PIAS2: variants seen among roughly 807,000 people sequenced by gnomAD.
PIAS2 encodes protein inhibitor of activated STAT 2.
In PIAS2, 19 loss-of-function variants were observed where a neutral mutation model predicts 69.7. The observed-to-expected ratio is 0.27, with a 90% CI of 0.19 to 0.40. PIAS2 has a LOEUF of 0.40. Ranked by LOEUF, PIAS2 falls within the 10% of genes least tolerant of loss-of-function variation. PIAS2 has a pLI of 1.00. For missense variants in PIAS2, 624 were observed against 757.0 expected (o/e 0.82, Z 2.06); for synonymous variants, 261 against 263.2 (o/e 0.99, Z 0.08).
rs1397440099 is a variant in PIAS2, at chr18:46,808,908, AT to A, written c.*3524del. 6.6e-6 allele frequency: 1 copy of A among 151,796 alleles called. No homozygotes were observed. The highest frequency in any genetic ancestry group is 1.9e-4 in the East Asian group (1 of 5,162). The allele number at this position is 151,796 out of a possible 1,614,324, so 9.4% of individuals were successfully genotyped here. The stretch of plus-strand genomic sequence containing the variant: ...GAATTAAATTAATGCTTTAAAAAAA[AT>A]TGACTTTACTTAAAATACAAACAAA... On this transcript the variant is annotated 3_prime_UTR_variant, in exon 14 of 14. Coordinates refer to ENST00000585916, the MANE Select transcript of PIAS2 (RefSeq NM_004671.5).
chr18:46,881,910 G>A (rs941894975), intron 2 of PIAS2, among the ~76,000 whole-genome samples: 4 of 152,108 alleles, frequency 2.6e-5, no homozygotes, highest in Non-Finnish European at 4.4e-5. Flanking sequence ...CAGCCTGGCC[G>A]ACATGGTGAA....
chr18:46,903,844 CA>C (rs1325895086), intron 1 of PIAS2, among the ~76,000 whole-genome samples: 3 of 152,138 alleles, frequency 2.0e-5, no homozygotes, highest in African/African-American at 4.8e-5. Flanking sequence ...AATGGTTAAA[CA>C]AACTATAGTG....
intron 1 of PIAS2, among the ~76,000 whole-genome samples, chr18:46,916,588 C>A (rs2057936966): frequency 6.6e-6 from 1 of 152,106 alleles, no homozygotes; most frequent in African/African-American, 2.4e-5. Flanking sequence ...CTCTGCTATA[C>A]AAGGGTATCA....
intron 12 of PIAS2, among the ~76,000 whole-genome samples, chr18:46,819,749 A>C (rs2041963080): frequency 6.6e-6 from 1 of 152,172 alleles, no homozygotes; most frequent in Non-Finnish European, 1.5e-5. Flanking sequence ...GAGAGAAGGG[A>C]AGTCATGAAT....
At chr18:46,875,787 C>T (rs773287719) in intron 2 of PIAS2, among the ~76,000 whole-genome samples, 57 of 152,318 alleles carry the variant, frequency 3.7e-4, no homozygotes, top group South Asian at 8.3e-4. Flanking sequence ...TATGCTTGTG[C>T]GCACCGCAGG....
chr18:46,816,152 C>A, intron 12 of PIAS2: 1 of 985,038 alleles, frequency 1.0e-6, no homozygotes, highest in Non-Finnish European at 1.2e-6. Flanking sequence ...AACCATAGGT[C>A]ATTAAGACAG....
At chr18:46,824,242 A>G (rs1004402164) in intron 11 of PIAS2, among the ~76,000 whole-genome samples, 1 of 152,206 alleles carries the variant, frequency 6.6e-6, no homozygotes, top group African/African-American at 2.4e-5. Context: ...GTCTGAAAAT[A>G]GGTTGACCAT....
intron 1 of PIAS2, among the ~76,000 whole-genome samples, chr18:46,902,460 T>C (rs539248158): frequency 6.6e-6 from 1 of 151,842 alleles, no homozygotes; most frequent in East Asian, 1.9e-4. Flanking sequence ...CTCGGGAGGT[T>C]GAGGTAGGAG....
Position 46,807,384 on chromosome 18 carries a change from T to TATATA in PIAS2, c.*5048_*5049insTATAT, listed in dbSNP as rs1491456025. On this transcript the variant is annotated 3_prime_UTR_variant, in exon 14 of 14. Coordinates refer to ENST00000585916, the MANE Select transcript of PIAS2 (RefSeq NM_004671.5). ...ATATATATATATATATATATATATA[T>TATATA]TTTTTTTTTTTTTTTTTTTTTTTTT... The TATATA allele has an allele frequency of 1.3e-3, 25 of 18,630 alleles. No homozygotes were observed. The highest frequency in any genetic ancestry group is 1.7e-3 in the Non-Finnish European group (17 of 9,740). The allele number at this position is 18,630 out of a possible 1,614,324, so 1.2% of individuals were successfully genotyped here.
chr18:46,900,957 A>C (rs1217184613), intron 1 of PIAS2: 1 of 340,214 alleles, frequency 2.9e-6, no homozygotes, highest in Non-Finnish European at 5.6e-6. Context: ...CTGGGTGATA[A>C]GAACGAAACT....
chr18:46,810,342 C>CAA lies in PIAS2; in HGVS notation c.*2089_*2090dup, dbSNP rs1344015239. On this transcript the variant is annotated 3_prime_UTR_variant, in exon 14 of 14. Coordinates refer to ENST00000585916, the MANE Select transcript of PIAS2 (RefSeq NM_004671.5). ...GAGTCTCTGACAATCTAAAGGGTAA[C>CAA]AAAATAACAAATATACATCATTTCT... 6.6e-6 allele frequency: 1 copy of CAA among 152,048 alleles called. No individual in the cohort carries two copies. The highest frequency in any genetic ancestry group is 1.5e-5 in the Non-Finnish European group (1 of 68,000). 9.4% of individuals were successfully genotyped at this position (152,048 alleles called of 1,614,324 possible).
chr18:46,820,699 C>T (rs1354826891), intron 12 of PIAS2, among the ~76,000 whole-genome samples: 2 of 152,102 alleles, frequency 1.3e-5, no homozygotes, highest in African/African-American at 4.8e-5. Context: ...AGAATAAAAT[C>T]TCTAACATTT....
rs1267413305 is a variant in PIAS2 at position 46,917,362 on chromosome 18, GCGC to G, written c.-20_-18del. 15 of 1,460,562 alleles carry G rather than the reference GCGC, an allele frequency of 1.0e-5. No individual in the cohort carries two copies. Among genetic ancestry groups the G allele is most frequent in the East Asian group, 3.1e-5 (1 of 32,120 alleles). 90.5% of individuals were successfully genotyped at this position (1,460,562 alleles called of 1,614,324 possible). A position where few individuals can be genotyped will look rare whatever the true frequency, so the allele number is the denominator to read the frequency against. Reference sequence around the variant, plus strand: ...ATCCGCCATTTTATACCACCCGCGGGCGCCGCCGCCGCTGCCGCCGCACCCACT... The same window carrying G: ...ATCCGCCATTTTATACCACCCGCGGGCGCCGCCGCTGCCGCCGCACCCACT... On this transcript the variant is annotated 5_prime_UTR_variant, in exon 1 of 14. Coordinates refer to ENST00000585916, the MANE Select transcript of PIAS2 (RefSeq NM_004671.5).
chr18:46,870,280 T>G (rs2050132713), intron 2 of PIAS2, among the ~76,000 whole-genome samples: 1 of 150,662 alleles, frequency 6.6e-6, no homozygotes, highest in Non-Finnish European at 1.5e-5. Context: ...ATCGGCTTTG[T>G]AAATGCTCCC....
At chr18:46,888,577 C>T (rs1404549713) in intron 2 of PIAS2, among the ~76,000 whole-genome samples, 3 of 152,142 alleles carry the variant, frequency 2.0e-5, no homozygotes, top group Non-Finnish European at 4.4e-5. Flanking sequence ...ACAGTCACAA[C>T]CTTTTTGGCC....
intron 1 of PIAS2, among the ~76,000 whole-genome samples, chr18:46,899,368 T>A (rs2055419540): frequency 6.6e-6 from 1 of 152,188 alleles, no homozygotes; most frequent in African/African-American, 2.4e-5. Flanking sequence ...AGGCATTCCA[T>A]AGCAAATGCA....
intron 3 of PIAS2, among the ~76,000 whole-genome samples, chr18:46,861,590 T>C (rs1399002913): frequency 6.6e-6 from 1 of 152,216 alleles, no homozygotes; most frequent in Non-Finnish European, 1.5e-5. Flanking sequence ...TTATGTTGCC[T>C]GATATGGTAC....
chr18:46,903,721 C>T (rs1165374586), intron 1 of PIAS2: 2 of 152,208 alleles, frequency 1.3e-5, no homozygotes, highest in South Asian at 4.2e-4. Context: ...CATTTATCTC[C>T]GAGAAAGATG....
intron 2 of PIAS2, among the ~76,000 whole-genome samples, chr18:46,878,797 G>C (rs1280847849): frequency 1.3e-5 from 2 of 152,178 alleles, no homozygotes; most frequent in African/African-American, 2.4e-5. Flanking sequence ...GAACCCGGGA[G>C]GCAGAGTTTG....
Sources: gnomAD v4.1 joint callset for allele counts (sites outside exome capture counted in the v4.1 genomes callset) on GRCh38, gnomAD v4.1.1 for gene constraint, MANE v1.5 for transcripts, NCBI Gene and HGNC (gene_info 2026-07-23, HGNC 2026-07-21) for gene names.